Variants in PTBP2 observed in about 807,000 individuals in gnomAD.
The protein encoded by PTBP2 is polypyrimidine tract-binding protein 2.
Under a neutral mutation model 61.4 loss-of-function variants are expected in PTBP2, and 13 were observed. The ratio of observed to expected loss-of-function variants is 0.21; its 90% CI spans 0.14 to 0.34. PTBP2 has a LOEUF of 0.34. Ranked by LOEUF, PTBP2 falls within the 10% of genes least tolerant of loss-of-function variation. PTBP2 has a pLI of 1.00. For synonymous variants in PTBP2, 215 were observed against 218.5 expected, an observed-to-expected ratio of 0.98 and a Z score of 0.14; for missense variants, 405 against 642.6, an observed-to-expected ratio of 0.63 and a Z score of 4.00.
At chr1:96,808,197 A>T (rs1442717607) in intron 11 of PTBP2, among the ~76,000 whole-genome samples, 1 of 151,862 alleles carries the variant, frequency 6.6e-6, no homozygotes, top group East Asian at 1.9e-4. Flanking sequence ...TAATATTTTA[A>T]TTTTTTGCCA....
chr1:96,729,153 C>T (rs1651017509), intron 2 of PTBP2, among the ~76,000 whole-genome samples: 1 of 152,142 alleles, frequency 6.6e-6, no homozygotes, highest in African/African-American at 2.4e-5. Context: ...TCATAAGTAG[C>T]TGGGACTGCA....
intron 3 of PTBP2, among the ~76,000 whole-genome samples, chr1:96,761,780 C>G (rs1655908326): frequency 6.6e-6 from 1 of 151,474 alleles, no homozygotes; most frequent in Non-Finnish European, 1.5e-5. Flanking sequence ...TTGGGTGTTT[C>G]TCGCAGAGGG....
chr1:96,748,214 A>G (rs968863523), intron 2 of PTBP2, among the ~76,000 whole-genome samples: 2 of 152,312 alleles, frequency 1.3e-5, no homozygotes, highest in Non-Finnish European at 2.9e-5. Context: ...GTCCCAAACC[A>G]TAGCAGAGCC....
intron 2 of PTBP2, among the ~76,000 whole-genome samples, chr1:96,732,698 G>A (rs1266957374): frequency 1.3e-5 from 2 of 152,298 alleles, no homozygotes; most frequent in East Asian, 3.9e-4. Flanking sequence ...TGGGTTGGTA[G>A]GCTCAGAATA....
intron 3 of PTBP2, among the ~76,000 whole-genome samples, chr1:96,762,938 ACGGGGCGG>A (rs1026284840): frequency 2.1e-5 from 3 of 146,298 alleles, no homozygotes; most frequent in East Asian, 4.2e-4. Flanking sequence ...CACATCCCAG[ACGGGGCGG>A]CGGGGCAGCG....
At chr1:96,778,753 T>A (rs1370403486) in intron 7 of PTBP2, among the ~76,000 whole-genome samples, 1 of 152,132 alleles carries the variant, frequency 6.6e-6, no homozygotes, top group Non-Finnish European at 1.5e-5. Context: ...ACTTTCAGAT[T>A]AATTATTGTC....
chr1:96,779,427 CTG>C lies in PTBP2; in HGVS notation c.708+1485_708+1486del, dbSNP rs373986362. On this transcript the variant is annotated intron_variant, in intron 7 of 13. Transcript: ENST00000674951. ...AAATGAAATTTGAGTGGGGATTATA[CTG>C]TGTTTGAGCTATAATTCTTAAGGGG... Among the ~76,000 whole-genome samples the C allele has an allele frequency of 3.5e-3, 536 of 152,164 alleles. 1 individual carries two copies. The highest frequency in any genetic ancestry group is 0.011 in the African/African-American group (477 of 41,540).
chr1:96,761,345 G>GATGT (rs1553178249), intron 3 of PTBP2, among the ~76,000 whole-genome samples: 3 of 80,854 alleles, frequency 3.7e-5, no homozygotes, highest in Non-Finnish European at 8.0e-5. Flanking sequence ...TGTGGGATTT[G>GATGT]ATGTGTGTGT....
At chr1:96,727,478 T>C (rs574677110) in intron 2 of PTBP2, among the ~76,000 whole-genome samples, 1 of 152,326 alleles carries the variant, frequency 6.6e-6, no homozygotes, top group South Asian at 2.1e-4. Flanking sequence ...CTGCAAACTT[T>C]TTAAAAGTAG....
chr1:96,756,246 A>C (rs1473459409), intron 3 of PTBP2, among the ~76,000 whole-genome samples: 2 of 152,198 alleles, frequency 1.3e-5, no homozygotes, highest in Non-Finnish European at 2.9e-5. Flanking sequence ...TAAAAAATAC[A>C]AAATTAGCTA....
At position 96,729,636 on chromosome 1, in the gene PTBP2, C is replaced by A. The variant is rs374169130; in HGVS notation, c.39+6042C>A. Among the ~76,000 whole-genome samples the A allele has an allele frequency of 1.9e-4, 29 of 151,672 alleles. No individual in the cohort carries two copies. The South Asian group carries it at 5.6e-3, about 29-fold the overall frequency. ...GGGCTATTCAGTTTGTTTAGTTCTT[C>A]TTGAGTGAACTTTGGTAATTTGTAT... On this transcript the variant is annotated intron_variant, in intron 2 of 13. Coordinates refer to ENST00000674951, the MANE Select transcript of PTBP2 (RefSeq NM_021190.4).
At chr1:96,749,693 C>T (rs1557706555) in intron 2 of PTBP2, 1 of 455,450 alleles carries the variant, frequency 2.2e-6, no homozygotes, top group Non-Finnish European at 4.4e-6. Context: ...TAACGTAATT[C>T]ACTTACTTAG....
At chr1:96,806,397 T>C (rs1281419768) in intron 9 of PTBP2, 22 bp from the exon 10 acceptor site, 3 of 1,549,216 alleles carry the variant, frequency 1.9e-6, no homozygotes, top group Non-Finnish European at 2.7e-6. Flanking sequence ...CTTACGCTGC[T>C]TGCTCTTCTC....
Position 96,813,378 on chromosome 1 carries a change from A to C in PTBP2, c.1569A>C (p.Arg523Ser). Reference protein sequence around the residue: ...NYNLGENHHLRVSFSKSTI With the variant: ...NYNLGENHHLSVSFSKSTI ...ACCTTGGAGAAAACCATCATCTGAG[A>C]GTGTCTTTCTCCAAGTCAACAATTT... Residue 523 changes from arginine to serine, a missense_variant, in exon 14 of 14, where the codon AGA becomes AGC. This residue lies in a region of PTBP2 where 21 missense variants were observed against 54.1 expected (regional missense o/e 0.39). Transcript: ENST00000674951. 6.3e-7 allele frequency: 1 copy of C among 1,597,904 alleles called. No homozygotes were observed. Among genetic ancestry groups the C allele is most frequent in the Non-Finnish European group, 8.5e-7 (1 of 1,172,338 alleles).
In PTBP2 at chr1:96,777,654, G is replaced by C. The variant is rs781086175; in HGVS notation, c.502G>C (p.Val168Leu). 1 of 1,613,554 alleles carries C rather than the reference G, an allele frequency of 6.2e-7. No homozygotes were observed. Among genetic ancestry groups the C allele is most frequent in the Admixed American group, 1.7e-5 (1 of 59,980 alleles). ...AAATACTCCTCTTAGTGGCACCACA[G>C]TTAGCGAGAGTGCAGTGACTCCAGC... The part of the protein sequence containing the change: ...TANTPLSGTT[V>L]SESAVTPAQS... The change falls in exon 6 of 14, where the codon GTT becomes CTT. Residue 168 changes from valine (V) to leucine (L), a missense_variant. Val to Leu is a conservative substitution (Grantham distance 32, BLOSUM62 1). Around this residue, in one of 4 missense-constraint regions of PTBP2, gnomAD observed 342 missense variants for 491.2 expected, o/e 0.70. Coordinates refer to ENST00000674951, the MANE Select transcript of PTBP2 (RefSeq NM_021190.4).
At chr1:96,806,491 G>T in intron 10 of PTBP2, 39 bp downstream of exon 10, 2 of 1,578,978 alleles carry the variant, frequency 1.3e-6, no homozygotes, top group South Asian at 1.1e-5. Flanking sequence ...TTATTGATTT[G>T]ATTTTTGTTT....
intron 3 of PTBP2, among the ~76,000 whole-genome samples, chr1:96,758,917 A>C (rs1017782060): frequency 1.3e-5 from 2 of 152,184 alleles, no homozygotes; most frequent in Non-Finnish European, 2.9e-5. Context: ...AGGACTCTAC[A>C]ACAGATTTGG....
intron 3 of PTBP2, among the ~76,000 whole-genome samples, chr1:96,767,551 C>G (rs1212751529): frequency 1.3e-5 from 2 of 152,052 alleles, no homozygotes; most frequent in Non-Finnish European, 2.9e-5. Context: ...AACAAATTAT[C>G]AAGTTTCTGT....
chr1:96,785,923 G>GA (rs924776561), intron 8 of PTBP2, among the ~76,000 whole-genome samples: 33 of 152,098 alleles, frequency 2.2e-4, no homozygotes, highest in African/African-American at 5.3e-4. Flanking sequence ...TCAAGATGAA[G>GA]AAAAAAATAA....
Sources: gnomAD v4.1 joint callset for allele counts (sites outside exome capture counted in the v4.1 genomes callset) on GRCh38, gnomAD v4.1.1 for gene constraint, gnomAD v4.1.1 regional missense constraint, MANE v1.5 for transcripts, NCBI Gene and HGNC (gene_info 2026-07-23, HGNC 2026-07-21) for gene names.